Variants in GSTO2 observed in about 807,000 individuals in gnomAD.
GSTO2 encodes the protein glutathione S-transferase omega-2.
GSTO2 carries 23 observed loss-of-function variants against 28.4 expected under a neutral mutation model. That is an observed-to-expected ratio of 0.81 (90% confidence interval 0.58 to 1.15). GSTO2 has a LOEUF of 1.15. Ranked by LOEUF, GSTO2 falls within the 50% of genes most tolerant of loss-of-function variation. The probability of loss-of-function intolerance (pLI) is 0.00; values close to 1 mark genes in which losing one functional copy is unlikely to be tolerated. For missense variants in GSTO2, 298 were observed against 297.8 expected (o/e 1.00, Z 0.00); for synonymous variants, 109 against 111.0 (o/e 0.98, Z 0.11).
At chr10:104,272,587 C>CTTTTTTTTGTT (rs2011461415) in intron 1 of GSTO2, among the ~76,000 whole-genome samples, 1 of 49,280 alleles carries the variant, frequency 2.0e-5, no homozygotes, top group Non-Finnish European at 3.8e-5. Flanking sequence ...AGTTATGGGA[C>CTTTTTTTTGTT]TTTTTTTTTT....
chr10:104,285,883 G>A (rs2012392223), intron 5 of GSTO2: 1 of 282,808 alleles, frequency 3.5e-6, no homozygotes, highest in Admixed American at 4.7e-5. Flanking sequence ...TTAATTTCCA[G>A]TGATGAAATT....
At chr10:104,274,016 C>T (rs1039482806) in intron 1 of GSTO2, among the ~76,000 whole-genome samples, 3 of 152,176 alleles carry the variant, frequency 2.0e-5, no homozygotes, top group Non-Finnish European at 2.9e-5. Flanking sequence ...TGCTGAAATT[C>T]AGGATCTCAG....
At chr10:104,294,304 A>G (rs948238230) in intron 5 of GSTO2, among the ~76,000 whole-genome samples, 7 of 152,204 alleles carry the variant, frequency 4.6e-5, no homozygotes, top group Non-Finnish European at 7.4e-5. Context: ...GATGAGTTTC[A>G]GGGGTCCTTC....
intron 5 of GSTO2, among the ~76,000 whole-genome samples, chr10:104,284,358 T>C (rs1177440474): frequency 6.6e-6 from 1 of 151,896 alleles, no homozygotes; most frequent in Non-Finnish European, 1.5e-5. Flanking sequence ...AGACTTTGTC[T>C]CCAAGAAAAA....
intron 5 of GSTO2, among the ~76,000 whole-genome samples, chr10:104,287,829 T>A (rs1474762133): frequency 6.6e-6 from 1 of 151,654 alleles, no homozygotes; most frequent in East Asian, 1.9e-4. Context: ...ATTTTTTTTT[T>A]AATGATGGGA....
At chr10:104,292,466 C>A (rs574031803) in intron 5 of GSTO2, among the ~76,000 whole-genome samples, 1 of 142,982 alleles carries the variant, frequency 7.0e-6, no homozygotes, top group African/African-American at 2.6e-5. Flanking sequence ...CCACCAATAT[C>A]TTTTTTTTTT....
At chr10:104,299,076 T>C in intron 6 of GSTO2, 52 bp from the exon 7 acceptor site, 3 of 1,491,196 alleles carry the variant, frequency 2.0e-6, no homozygotes, top group Non-Finnish European at 2.7e-6. Context: ...GTGCATCCCC[T>C]TTCCTGATGC....
chr10:104,278,546 A>G (rs1179561016), intron 4 of GSTO2, among the ~76,000 whole-genome samples: 1 of 152,170 alleles, frequency 6.6e-6, no homozygotes, highest in African/African-American at 2.4e-5. Flanking sequence ...CAGTGGCACC[A>G]TCTCGGCTCA....
At chr10:104,279,269 C>G (rs530666550) in intron 4 of GSTO2, 101 bp from the exon 5 acceptor site, 1 of 924,900 alleles carries the variant, frequency 1.1e-6, no homozygotes. Context: ...GGGTGTTGCC[C>G]TGTTAGGCTG....
Position 104,286,963 on chromosome 10 carries a change from C to CT in GSTO2, c.468+7498dup, listed in dbSNP as rs963861730. Among the ~76,000 whole-genome samples the CT allele has an allele frequency of 3.9e-5, 6 of 152,160 alleles. No individual in the cohort carries two copies. In the East Asian group the frequency reaches 9.6e-4, roughly 24 times the overall value. ...ACAACCACTGTTATTATCTTGGGGA[C>CT]TTTTTTGTTTTTGTTTTCTGTCCTT... On this transcript the variant is annotated intron_variant, in intron 5 of 6. Transcript: ENST00000338595.
Position 104,299,437 on chromosome 10 carries a change from G to A in GSTO2, c.*153G>A. On this transcript the variant is annotated 3_prime_UTR_variant, in exon 7 of 7. Transcript: ENST00000338595. ...AAATGTATTCTTCTGATAATCATTT[G>A]TCTGACTCCTCTAGCCTGTAGCTGC... 1 of 868,026 alleles carries A rather than the reference G, an allele frequency of 1.2e-6. No homozygotes were observed. The highest frequency in any genetic ancestry group is 3.2e-4 in the Middle Eastern group (1 of 3,100). The allele number at this position is 868,026 out of a possible 1,614,324, so 53.8% of individuals were successfully genotyped here.
rs1037394241 is a variant in GSTO2, at chr10:104,274,841, G to C, written c.-75G>C. ...GCGCGCCAGAGCGCAGCTGTTTCTG[G>C]AGCCTGCGGCAGCGGTGGCGAGCCA... On this transcript the variant is annotated 5_prime_UTR_variant, in exon 2 of 7. Coordinates refer to ENST00000338595, the MANE Select transcript of GSTO2 (RefSeq NM_183239.2). 1 of 1,548,302 alleles carries C rather than the reference G, an allele frequency of 6.5e-7. No individual in the cohort carries two copies. The highest frequency in any genetic ancestry group is 8.8e-7 in the Non-Finnish European group (1 of 1,137,508).
At chr10:104,297,729 G>T (rs756155887) in intron 6 of GSTO2, 45 bp downstream of exon 6, 4 of 1,311,096 alleles carry the variant, frequency 3.1e-6, no homozygotes, top group Non-Finnish European at 4.4e-6. Context: ...GAGTCACACT[G>T]AGTAACAATG....
At chr10:104,284,548 GTCTTGT>G (rs2012298478) in intron 5 of GSTO2, among the ~76,000 whole-genome samples, 3 of 152,050 alleles carry the variant, frequency 2.0e-5, no homozygotes, top group Non-Finnish European at 4.4e-5. Context: ...TATGACACTT[GTCTTGT>G]CTTGCTGCAC....
chr10:104,282,851 C>T (rs529409114), intron 5 of GSTO2, among the ~76,000 whole-genome samples: 1 of 152,064 alleles, frequency 6.6e-6, no homozygotes, highest in African/African-American at 2.4e-5. Flanking sequence ...TATTCATATG[C>T]GGGCAGAGCT....
intron 3 of GSTO2, 77 bp downstream of exon 3, chr10:104,275,411 G>T (rs1589856774): frequency 1.5e-6 from 2 of 1,321,698 alleles, no homozygotes; most frequent in Non-Finnish European, 2.1e-6. Flanking sequence ...CATCTGGGGC[G>T]CCCTGCTCAG....
At chr10:104,287,305 C>CTT (rs2012492286) in intron 5 of GSTO2, among the ~76,000 whole-genome samples, 1 of 152,206 alleles carries the variant, frequency 6.6e-6, no homozygotes, top group Non-Finnish European at 1.5e-5. Context: ...ACCCACTTGT[C>CTT]TTTGCCTTCC....
intron 5 of GSTO2, chr10:104,296,421 G>A (rs73335117): frequency 6.6e-6 from 1 of 152,090 alleles, no homozygotes; most frequent in African/African-American, 2.4e-5. Context: ...TCAGGAGTTT[G>A]AGACCCCTGG....
chr10:104,289,768 A>G (rs913240525), intron 5 of GSTO2, among the ~76,000 whole-genome samples: 33 of 152,204 alleles, frequency 2.2e-4, no homozygotes, highest in Non-Finnish European at 4.3e-4. Context: ...TCTGCCCTCC[A>G]AAAGACTTGA....
Sources: allele counts gnomAD v4.1 joint callset (sites outside exome capture counted in the v4.1 genomes callset), GRCh38; gene constraint gnomAD v4.1.1; transcripts MANE v1.5; gene names NCBI Gene and HGNC (gene_info 2026-07-23, HGNC 2026-07-21).